ATG9B: variants seen among roughly 807,000 people sequenced by gnomAD.
ATG9B encodes the protein autophagy related 9B.
Under a neutral mutation model 92.9 loss-of-function variants are expected in ATG9B, and 92 were observed. The ratio of observed to expected loss-of-function variants is 0.99; its 90% CI spans 0.84 to 1.18. The LOEUF (loss-of-function observed/expected upper bound fraction) is 1.18, where lower values mean the gene tolerates loss of function less well. Ranked by LOEUF, ATG9B falls within the 50% of genes most tolerant of loss-of-function variation. ATG9B has a pLI of 0.00. For synonymous variants in ATG9B, 599 were observed against 551.4 expected, an observed-to-expected ratio of 1.09 and a Z score of -1.21; for missense variants, 1,344 against 1,235.0, an observed-to-expected ratio of 1.09 and a Z score of -1.32.
downstream of ATG9B, chr7:151,013,642 C>T (rs879675976): frequency 1.7e-4 from 222 of 1,321,498 alleles, no homozygotes; most frequent in Middle Eastern, 5.3e-4. Context: ...GAGACTTTCA[C>T]GTCCAGGGCC....
chr7:151,014,117 G>T, downstream of ATG9B: 2 of 1,613,436 alleles, frequency 1.2e-6, no homozygotes, highest in Non-Finnish European at 1.7e-6. Context: ...CAGTTGCGGG[G>T]CGCAGTGCCC....
In ATG9B at chr7:151,024,053, G is replaced by A. The variant is rs779396081; in HGVS notation, c.371C>T (p.Pro124Leu). The change falls in exon 1 of 14, where the codon CCG (proline) becomes CTG (leucine). Residue 124 changes from proline (P) to leucine (L), a missense_variant. Transcript: ENST00000639579. The part of the protein sequence containing the change: ...WGSHSTPPLA[P>L]ATPTPSQQCP... ...CTGCTGTGAGGGAGTGGGGGTTGCC[G>A]GGGCCAGGGGTGGGGTGGAGTGGGA... 2.4e-5 allele frequency: 38 copies of A among 1,589,546 alleles called. No homozygotes were observed. Among genetic ancestry groups the A allele is most frequent in the East Asian group, 1.4e-4 (6 of 43,982 alleles).
Position 151,018,866 on chromosome 7 carries a change from T to A in ATG9B, c.1472A>T (p.His491Leu). ...WSRLARLQLRHFNELPHELRA... is the reference protein window; with the variant it reads ...WSRLARLQLRLFNELPHELRA... ...CAGCTCGTGCGGCAGCTCGTTGAAG[T>A]GGCGCAGCTGCAAGCGCGCCAGGCG... Residue 491 changes from histidine to leucine, a missense_variant, in exon 6 of 14, where the codon CAC (histidine) becomes CTC (leucine). His to Leu is a moderately conservative substitution (Grantham distance 99). Transcript: ENST00000639579. This position sits in a 1 kb window ranked among gnomAD's most constrained non-coding sequence, Gnocchi z 4.7. 1 of 1,339,688 alleles carries A rather than the reference T, an allele frequency of 7.5e-7. No homozygotes were observed. Among genetic ancestry groups the A allele is most frequent in the Non-Finnish European group, 9.5e-7 (1 of 1,050,652 alleles). The allele number at this position is 1,339,688 out of a possible 1,614,324, so 83.0% of individuals were successfully genotyped here. A position where few individuals can be genotyped will look rare whatever the true frequency, so the allele number is the denominator to read the frequency against.
At chr7:151,013,643 G>C (rs1795361287), downstream of ATG9B, 5 of 1,291,802 alleles carry the variant, frequency 3.9e-6, no homozygotes, top group Non-Finnish European at 5.2e-6. Flanking sequence ...AGACTTTCAC[G>C]TCCAGGGCCA....
chr7:151,015,990 C>T lies in ATG9B; in HGVS notation c.2681G>A (p.Trp894Ter). Reference protein sequence around the residue: ...SSPASSPRQQWGTQKARNLFP... With the variant: ...SSPASSPRQQ The stretch of plus-strand genomic sequence containing the variant: ...CAGATTCCGGGCCTTCTGGGTTCCC[C>T]ACTGTTGTCTGGGGCTAGAGGCAGG... The change falls in exon 13 of 14, where the codon TGG (tryptophan) becomes TAG (stop). Residue 894 changes from tryptophan to a stop codon, truncating the protein, a stop_gained. Transcript: ENST00000639579. LOFTEE classifies it high-confidence loss of function. The T allele has an allele frequency of 3.9e-6, 6 of 1,551,670 alleles. No individual in the cohort carries two copies. Among genetic ancestry groups the T allele is most frequent in the Non-Finnish European group, 5.2e-6 (6 of 1,146,984 alleles).
downstream of ATG9B, chr7:151,014,428 C>T (rs537135591): frequency 6.4e-6 from 3 of 465,840 alleles, no homozygotes; most frequent in South Asian, 4.3e-5. Context: ...TACTGCCACC[C>T]GCTTCCTGTT....
chr7:151,018,969 G>C lies in ATG9B; in HGVS notation c.1369C>G (p.Gln457Glu), dbSNP rs778591360. ...TGGCTATAGAAGACGTGCAGAACCT[G>C]CCAGGCCAGCACCAGCGGGCTCAGC... is the stretch of plus-strand genomic sequence containing the variant. ...LALSPLVLAW[Q>E]VLHVFYSHVE... is the part of the protein sequence containing the mutation. Residue 457 changes from glutamine to glutamate, a missense_variant, in exon 6 of 14, where the codon CAG (glutamine) becomes GAG (glutamate). Coordinates refer to ENST00000639579, the MANE Select transcript of ATG9B (RefSeq NM_001317056.2). This position sits in a 1 kb window ranked among gnomAD's most constrained non-coding sequence, Gnocchi z 4.7. The C allele has an allele frequency of 1.9e-6, 3 of 1,579,838 alleles. No homozygotes were observed. The highest frequency in any genetic ancestry group is 2.6e-6 in the Non-Finnish European group (3 of 1,167,884).
Position 151,017,932 on chromosome 7 carries a change from GCCACAT to G in ATG9B, c.1985_1990del (p.Asp662_Val663del). The G allele has an allele frequency of 6.2e-7, 1 of 1,610,190 alleles. No homozygotes were observed. Among genetic ancestry groups the G allele is most frequent in the Non-Finnish European group, 8.5e-7 (1 of 1,178,234 alleles). ...AAAGGAACAGATGTCCCCAACCCCA[GCCACAT>G]CCACAGTGAAGTGATGAAAAAAGTC... On this transcript the variant is annotated inframe_deletion, in exon 8 of 14. Transcript: ENST00000639579.
chr7:151,023,594 C>A (rs889222460), intron 2 of ATG9B, 85 bp from the exon 3 acceptor site: 5 of 1,609,900 alleles, frequency 3.1e-6, no homozygotes, highest in Admixed American at 3.3e-5. Flanking sequence ...GTCTCCCACC[C>A]ATGACGCCCT....
At chr7:151,021,689 G>T (rs1445681769) in intron 4 of ATG9B, among the ~76,000 whole-genome samples, 7 of 147,670 alleles carry the variant, frequency 4.7e-5, no homozygotes, top group Non-Finnish European at 1.0e-4. Context: ...TTGCTGTGTC[G>T]CCCAGGCTGG....
chr7:151,017,050 A>C lies in ATG9B; in HGVS notation c.2275T>G (p.Cys759Gly). 1 of 1,595,174 alleles carries C rather than the reference A, an allele frequency of 6.3e-7. No individual in the cohort carries two copies. Among genetic ancestry groups the C allele is most frequent in the Non-Finnish European group, 8.5e-7 (1 of 1,171,520 alleles). ...TTGGGACTCACCAGGGGCGAGGTGC[A>C]GTTGCTGAGCACCCCCGGGGTGGAG... ...GPSTPGVLSN[C>G]TSPLPEAFLA... The change falls in exon 9 of 14, where the codon TGC becomes GGC. Residue 759 changes from cysteine to glycine, a missense_variant. Cys to Gly is a radical substitution (Grantham distance 159). Coordinates refer to ENST00000639579, the MANE Select transcript of ATG9B (RefSeq NM_001317056.2).
Position 151,018,764 on chromosome 7 carries a change from G to T in ATG9B, c.1574C>A (p.Thr525Lys). ...GAAAACGAGCTGGCGGGCCAGCAGC[G>T]TGCGCAGGGGCGCGGGGGGCGCAGC... ...RTAAPPAPLR[T>K]LLARQLVFFA... Residue 525 changes from threonine (T) to lysine (K), a missense_variant, in exon 6 of 14, where the codon ACG becomes AAG. By Grantham distance (78) the Thr-to-Lys change is moderately conservative. Transcript: ENST00000639579. The surrounding 1 kb of genome is among the most constrained non-coding windows in gnomAD (Gnocchi z 4.7). 2 of 1,498,658 alleles carry T rather than the reference G, an allele frequency of 1.3e-6. No homozygotes were observed. Among genetic ancestry groups the T allele is most frequent in the Non-Finnish European group, 1.8e-6 (2 of 1,128,634 alleles). 92.8% of individuals were successfully genotyped at this position (1,498,658 alleles called of 1,614,324 possible).
At chr7:151,013,938 G>A (rs1795376441), downstream of ATG9B, 3 of 1,599,214 alleles carry the variant, frequency 1.9e-6, no homozygotes, top group Non-Finnish European at 2.6e-6. Context: ...GGCGGGCCGG[G>A]CCTGAGCGTG....
In ATG9B at chr7:151,024,053, G is replaced by T; in HGVS notation, c.371C>A (p.Pro124Gln). 1 of 1,589,664 alleles carries T rather than the reference G, an allele frequency of 6.3e-7. No homozygotes were observed. The highest frequency in any genetic ancestry group is 2.3e-5 in the East Asian group (1 of 43,970). ...CTGCTGTGAGGGAGTGGGGGTTGCCGGGGCCAGGGGTGGGGTGGAGTGGGA... is the reference window on the plus strand; with the variant it reads ...CTGCTGTGAGGGAGTGGGGGTTGCCTGGGCCAGGGGTGGGGTGGAGTGGGA... ...WGSHSTPPLA[P>Q]ATPTPSQQCP... Residue 124 changes from proline to glutamine, a missense_variant, in exon 1 of 14, where the codon CCG becomes CAG. Transcript: ENST00000639579.
In ATG9B at chr7:151,017,043, G is replaced by T. The variant is rs749472932; in HGVS notation, c.2282C>A (p.Ser761Ter). The change falls in exon 9 of 14, where the codon TCG becomes TAG. Residue 761 changes from serine to a stop codon, truncating the protein, a stop_gained. Coordinates refer to ENST00000639579, the MANE Select transcript of ATG9B (RefSeq NM_001317056.2). LOFTEE classifies it high-confidence loss of function. ...STPGVLSNCT[S>*]PLPEAFLANL... ...GCCAGGCTTGGGACTCACCAGGGGC[G>T]AGGTGCAGTTGCTGAGCACCCCCGG... The T allele has an allele frequency of 1.3e-6, 2 of 1,589,732 alleles. No homozygotes were observed. Among genetic ancestry groups the T allele is most frequent in the South Asian group, 2.3e-5 (2 of 88,124 alleles).
intron 8 of ATG9B, 60 bp from the exon 9 acceptor site, chr7:151,017,332 G>A (rs1563249127): frequency 6.8e-7 from 1 of 1,468,308 alleles, no homozygotes; most frequent in Non-Finnish European, 9.2e-7. Context: ...GAACAGGTGG[G>A]ACAGGAAACA....
At position 151,015,508 on chromosome 7, in the gene ATG9B, C is replaced by A; in HGVS notation, c.*220G>T. The A allele has an allele frequency of 5.8e-6, 1 of 172,246 alleles. No individual in the cohort carries two copies. The highest frequency in any genetic ancestry group is 6.3e-5 in the Admixed American group (1 of 15,978). The allele number at this position is 172,246 out of a possible 1,614,324, so 10.7% of individuals were successfully genotyped here. ...TCCCCTTATTCCCTCTGGGTGCAGA[C>A]CATCTCTAAGACTTGTTTCCAGATG... is the stretch of plus-strand genomic sequence containing the variant. On this transcript the variant is annotated 3_prime_UTR_variant, in exon 14 of 14. Coordinates refer to ENST00000639579, the MANE Select transcript of ATG9B (RefSeq NM_001317056.2).
chr7:151,018,829 C>T lies in ATG9B; in HGVS notation c.1509G>A (p.Leu503=), dbSNP rs1795628630. The change falls in exon 6 of 14, where the codon CTG becomes CTA. Residue 503 remains leucine (L), a synonymous_variant. Coordinates refer to ENST00000639579, the MANE Select transcript of ATG9B (RefSeq NM_001317056.2). This position sits in a 1 kb window ranked among gnomAD's most constrained non-coding sequence, Gnocchi z 4.7. The part of the protein sequence containing the change: ...NELPHELRAR[L]ARAYRPAAAF... ...CGGCGGCGGGGCGGTAGGCGCGGGC[C>T]AGGCGCGCGCGCAGCTCGTGCGGCA... is the stretch of plus-strand genomic sequence containing the variant. 3 of 1,293,872 alleles carry T rather than the reference C, an allele frequency of 2.3e-6. No individual in the cohort carries two copies. The highest frequency in any genetic ancestry group is 3.2e-5 in the East Asian group (1 of 30,968). The allele number at this position is 1,293,872 out of a possible 1,614,324, so 80.1% of individuals were successfully genotyped here. A position where few individuals can be genotyped will look rare whatever the true frequency, so the allele number is the denominator to read the frequency against.
Position 151,015,283 on chromosome 7 carries a change from TC to T in ATG9B, c.*444del, listed in dbSNP as rs1274770187. ...CCGTCTTTCCACTGACAAGTCCCCATCCCCTACAAGCCCCAAGGAACCTGAA... is the reference window on the plus strand; with the variant it reads ...CCGTCTTTCCACTGACAAGTCCCCATCCCTACAAGCCCCAAGGAACCTGAA... On this transcript the variant is annotated 3_prime_UTR_variant, in exon 14 of 14. Transcript: ENST00000639579. The T allele has an allele frequency of 6.6e-6, 1 of 152,290 alleles. No individual in the cohort carries two copies. The highest frequency in any genetic ancestry group is 1.9e-4 in the East Asian group (1 of 5,188). 9.4% of individuals were successfully genotyped at this position (152,290 alleles called of 1,614,324 possible). A position where few individuals can be genotyped will look rare whatever the true frequency, so the allele number is the denominator to read the frequency against.
Sources: gnomAD v4.1 joint callset for allele counts (sites outside exome capture counted in the v4.1 genomes callset) on GRCh38, gnomAD v4.1.1 for gene constraint, Gnocchi (gnomAD v3.1) non-coding constraint, MANE v1.5 for transcripts, NCBI Gene and HGNC (gene_info 2026-07-23, HGNC 2026-07-21) for gene names.